CTNNA2: variants seen among roughly 807,000 people sequenced by gnomAD.
CTNNA2 encodes the protein catenin alpha-2.
Under a neutral mutation model 101.0 loss-of-function variants are expected in CTNNA2, and 42 were observed. The observed-to-expected ratio is 0.42, with a 90% CI of 0.32 to 0.54. The LOEUF (loss-of-function observed/expected upper bound fraction) is 0.54, where lower values mean the gene tolerates loss of function less well. Ranked by LOEUF, CTNNA2 falls within the 20% of genes least tolerant of loss-of-function variation. CTNNA2 has a pLI of 0.14. For synonymous variants in CTNNA2, 450 were observed against 456.4 expected (o/e 0.99, Z 0.18); for missense variants, 871 against 1,223.1 (o/e 0.71, Z 4.29).
At chr2:79,665,474 A>G (rs944891462) in intron 2 of CTNNA2, among the ~76,000 whole-genome samples, 2 of 152,218 alleles carry the variant, frequency 1.3e-5, no homozygotes, top group Admixed American at 1.3e-4. Flanking sequence ...TTGAATGACT[A>G]GAAGAATGAT....
intron 7 of CTNNA2, among the ~76,000 whole-genome samples, chr2:80,074,840 A>C (rs1315042613): frequency 6.6e-6 from 1 of 152,164 alleles, no homozygotes; most frequent in African/African-American, 2.4e-5. Flanking sequence ...TAGGTTACTA[A>C]GCCTTACAAA....
At chr2:79,804,731 T>C (rs1324491990) in intron 3 of CTNNA2, among the ~76,000 whole-genome samples, 1 of 152,106 alleles carries the variant, frequency 6.6e-6, no homozygotes, top group East Asian at 1.9e-4. Flanking sequence ...TCTGTGAAAA[T>C]TTTAGACCAT....
At chr2:80,473,463 A>G (rs1243412172) in intron 9 of CTNNA2, among the ~76,000 whole-genome samples, 1 of 152,216 alleles carries the variant, frequency 6.6e-6, no homozygotes, top group Non-Finnish European at 1.5e-5. Flanking sequence ...TTACCTATAT[A>G]TTCTAATTTT....
intron 18 of CTNNA2, 37 bp from the exon 19 acceptor site, chr2:80,647,548 A>G (rs747835710): frequency 6.5e-7 from 1 of 1,537,440 alleles, no homozygotes; most frequent in African/African-American, 1.4e-5. Flanking sequence ...TGGGGCCTCC[A>G]TTAACCCACA....
At chr2:79,411,934 A>G (rs565420065) in intron 4 of CTNNA2, among the ~76,000 whole-genome samples, 15 of 152,308 alleles carry the variant, frequency 9.8e-5, no homozygotes, top group Non-Finnish European at 1.8e-4. Flanking sequence ...TGCTCCAATT[A>G]AAAGACACAG....
At chr2:79,904,383 G>A (rs1323662810) in intron 6 of CTNNA2, among the ~76,000 whole-genome samples, 1 of 152,100 alleles carries the variant, frequency 6.6e-6, no homozygotes, top group Non-Finnish European at 1.5e-5. Flanking sequence ...GGAGGGTTAG[G>A]TGACTCAGAT....
intron 7 of CTNNA2, among the ~76,000 whole-genome samples, chr2:80,359,102 T>C (rs1674137275): frequency 6.6e-6 from 1 of 152,030 alleles, no homozygotes; most frequent in African/African-American, 2.4e-5. Context: ...CCGCTGAGTA[T>C]GATGGCTCAC....
chr2:80,390,141 C>T (rs1379754970), intron 7 of CTNNA2, among the ~76,000 whole-genome samples: 1 of 152,290 alleles, frequency 6.6e-6, no homozygotes, highest in East Asian at 1.9e-4. Context: ...TTTCTTTTTG[C>T]CAGTCAAAGT....
chr2:79,924,219 A>G (rs914800561), intron 7 of CTNNA2, among the ~76,000 whole-genome samples: 1 of 150,714 alleles, frequency 6.6e-6, no homozygotes, highest in Non-Finnish European at 1.5e-5. Context: ...TCAAGGAATC[A>G]TCTTTTTTAA....
Position 79,930,681 on chromosome 2 carries a change from A to G in CTNNA2, c.1056+20884A>G, listed in dbSNP as rs558727751. Among the ~76,000 whole-genome samples, 5 of 152,296 alleles carry G rather than the reference A, an allele frequency of 3.3e-5. No homozygotes were observed. In the East Asian group the frequency reaches 7.7e-4, roughly 24 times the overall value. The stretch of plus-strand genomic sequence containing the variant: ...CTCCAAAGGCTAAACTGGAAGTTAT[A>G]TTTTCTGATGTTGCTGCCAGAAAAT... On this transcript the variant is annotated intron_variant, in intron 7 of 18. Coordinates refer to ENST00000402739, the MANE Select transcript of CTNNA2 (RefSeq NM_001282597.3).
intron 4 of CTNNA2, among the ~76,000 whole-genome samples, chr2:79,456,931 G>A (rs1170381705): frequency 2.6e-5 from 4 of 152,160 alleles, no homozygotes; most frequent in African/African-American, 7.2e-5. Context: ...GCCGGGCATG[G>A]TGGCTCACGC....
In CTNNA2 at chr2:80,555,909, G is replaced by T; in HGVS notation, c.1741+16G>T. 2 of 1,444,226 alleles carry T rather than the reference G, an allele frequency of 1.4e-6. No homozygotes were observed. The highest frequency in any genetic ancestry group is 2.5e-5 in the East Asian group (1 of 39,658). 89.5% of individuals were successfully genotyped at this position (1,444,226 alleles called of 1,614,324 possible). ...TCTGAAACAGGTAAGCATGGGTATT[G>T]GGTCTGGCCAAAATGTTAATGCCTT... On this transcript the variant is annotated intron_variant, in intron 12 of 18. Transcript: ENST00000402739.
chr2:79,271,794 A>G (rs12998775), intron 2 of CTNNA2, among the ~76,000 whole-genome samples: 6,466 of 152,138 alleles, frequency 0.043, 220 homozygotes, highest in Non-Finnish European at 0.066. Flanking sequence ...AAAGGCTGTA[A>G]AGTAGTTCAA....
intron 8 of CTNNA2, among the ~76,000 whole-genome samples, chr2:80,406,826 C>CAAAAAAAAAAAAA (rs56793591): frequency 1.6e-5 from 1 of 63,980 alleles, no homozygotes; most frequent in African/African-American, 4.2e-5. Flanking sequence ...GACTCCATCT[C>CAAAAAAAAAAAAA]AAAAAAAAAA....
intron 4 of CTNNA2, among the ~76,000 whole-genome samples, chr2:79,860,973 GAACATGTCA>G (rs1433206366): frequency 6.6e-6 from 1 of 152,156 alleles, no homozygotes; most frequent in Non-Finnish European, 1.5e-5. Context: ...TCAGGATGAA[GAACATGTCA>G]AATAGCTTTA....
chr2:79,982,618 A>G (rs561850283), intron 7 of CTNNA2, among the ~76,000 whole-genome samples: 69 of 151,822 alleles, frequency 4.5e-4, no homozygotes, highest in African/African-American at 1.4e-3. Context: ...CTATTAGCAT[A>G]TCCTTTCCTA....
chr2:80,572,104 T>C (rs1281657300), intron 12 of CTNNA2, among the ~76,000 whole-genome samples: 1 of 152,202 alleles, frequency 6.6e-6, no homozygotes, highest in African/African-American at 2.4e-5. Flanking sequence ...AAATGATGTG[T>C]AACCATTGTT....
chr2:80,166,556 G>A (rs1231559879), intron 7 of CTNNA2, among the ~76,000 whole-genome samples: 1 of 152,200 alleles, frequency 6.6e-6, no homozygotes, highest in Admixed American at 6.5e-5. Flanking sequence ...CTATTTGGCT[G>A]TTGGCTGTTT....
intron 7 of CTNNA2, among the ~76,000 whole-genome samples, chr2:80,327,643 G>A (rs1366942444): frequency 3.3e-5 from 5 of 152,226 alleles, no homozygotes; most frequent in Admixed American, 2.6e-4. Context: ...CAACGAGGAC[G>A]TGTGGAAATC....
Sources: allele counts gnomAD v4.1 joint callset (sites outside exome capture counted in the v4.1 genomes callset), GRCh38; gene constraint gnomAD v4.1.1; transcripts MANE v1.5; gene names NCBI Gene and HGNC (gene_info 2026-07-23, HGNC 2026-07-21).